TGIF1: variants seen among roughly 807,000 people sequenced by gnomAD.
TGIF1 encodes the protein homeobox protein TGIF1.
TGIF1 carries 4 observed loss-of-function variants against 19.3 expected under a neutral mutation model. The ratio of observed to expected loss-of-function variants is 0.21; its 90% CI spans 0.10 to 0.47. The LOEUF (loss-of-function observed/expected upper bound fraction) is 0.47, where lower values mean the gene tolerates loss of function less well. TGIF1 is among the 20% of genes least tolerant of loss of function. The probability of loss-of-function intolerance (pLI) is 0.98; values close to 1 mark genes in which losing one functional copy is unlikely to be tolerated. For missense variants in TGIF1, 275 were observed against 341.4 expected, an observed-to-expected ratio of 0.81 and a Z score of 1.53; for synonymous variants, 122 against 129.3, an observed-to-expected ratio of 0.94 and a Z score of 0.38.
At position 3,457,522 on chromosome 18, in the gene TGIF1, C is replaced by T. The variant is rs779457953; in HGVS notation, c.401C>T (p.Pro134Leu). 1 of 1,614,184 alleles carries T rather than the reference C, an allele frequency of 6.2e-7. No homozygotes were observed. The highest frequency in any genetic ancestry group is 8.5e-7 in the Non-Finnish European group (1 of 1,180,046). ...GTGATGGGCATCAAAAACTTCATGC[C>T]AGCTCTAGAGGAGACCCCATTTCAT... ...ESVMGIKNFM[P>L]ALEETPFHSC... Residue 134 changes from proline (P) to leucine (L), a missense_variant, in exon 3 of 3, where the codon CCA becomes CTA. Transcript: ENST00000343820. The surrounding 1 kb of genome is among the most constrained non-coding windows in gnomAD (Gnocchi z 4.9).
chr18:3,456,802 A>G lies in TGIF1; in HGVS notation c.243+222A>G. ...GATAGCATTTCCTTTAATGCCTAAA[A>G]GAACCTTCCTTTATGCAACAGACAT... On this transcript the variant is annotated intron_variant, in intron 2 of 2. Transcript: ENST00000343820. This position sits in a 1 kb window ranked among gnomAD's most constrained non-coding sequence, Gnocchi z 4.2. 3.1e-6 allele frequency: 2 copies of G among 654,170 alleles called. No homozygotes were observed. Among genetic ancestry groups the G allele is most frequent in the Non-Finnish European group, 5.5e-6 (2 of 365,706 alleles). 40.5% of individuals were successfully genotyped at this position (654,170 alleles called of 1,614,324 possible).
Position 3,458,043 on chromosome 18 carries a change from T to C in TGIF1, c.*103T>C, listed in dbSNP as rs1276786624. On this transcript the variant is annotated 3_prime_UTR_variant, in exon 3 of 3. Coordinates refer to ENST00000343820, the MANE Select transcript of TGIF1 (RefSeq NM_003244.4). ...TATATTTTTTATTAATATTTGCACA[T>C]GGGATTGCTAAAACAGCTTCCTGTT... 6 of 1,082,888 alleles carry C rather than the reference T, an allele frequency of 5.5e-6. No homozygotes were observed. The highest frequency in any genetic ancestry group is 6.7e-6 in the Non-Finnish European group (5 of 744,236). The allele number at this position is 1,082,888 out of a possible 1,614,324, so 67.1% of individuals were successfully genotyped here.
upstream of TGIF1, chr18:3,447,625 G>T (rs138419964): frequency 2.0e-4 from 233 of 1,152,682 alleles, 3 homozygotes; most frequent in East Asian, 5.0e-3. Flanking sequence ...TGGCTGGGGG[G>T]AGGCAGTGGG....
intron 2 of TGIF1, among the ~76,000 whole-genome samples, chr18:3,435,164 AT>A (rs1356228259): frequency 1.3e-5 from 2 of 152,038 alleles, no homozygotes; most frequent in Admixed American, 6.6e-5. Context: ...GCACAATTAA[AT>A]TTCAGGCTTT....
At position 3,434,089 on chromosome 18, in the gene TGIF1, CA is replaced by C. The variant is rs149750226; in HGVS notation, c.-45+15875del. On this transcript the variant is annotated intron_variant, in intron 2 of 3. Coordinates refer to the TGIF1 transcript ENST00000401449. The stretch of plus-strand genomic sequence containing the variant: ...TTGCCAGTCGAAGTGAGAAACAGCC[CA>C]TTTAAATAATAGCTATGGGCCAGGT... Among the ~76,000 whole-genome samples the C allele has an allele frequency of 6.4e-3, 980 of 152,246 alleles. 11 individuals are homozygous for C. Among genetic ancestry groups the C allele is most frequent in the African/African-American group, 0.023 (944 of 41,542 alleles).
chr18:3,414,922 A>G (rs1019865065), intron 1 of TGIF1, among the ~76,000 whole-genome samples: 1 of 152,194 alleles, frequency 6.6e-6, no homozygotes, highest in African/African-American at 2.4e-5. Context: ...CCAATGTCCA[A>G]TGTCAGAAAG....
intron 2 of TGIF1, among the ~76,000 whole-genome samples, chr18:3,443,157 AGG>A (rs1346918391): frequency 6.6e-6 from 1 of 152,210 alleles, no homozygotes; most frequent in Non-Finnish European, 1.5e-5. Flanking sequence ...CACAATCAGA[AGG>A]GGCTCTTCTA....
upstream of TGIF1, among the ~76,000 whole-genome samples, chr18:3,448,981 T>C (rs238135): frequency 0.41 from 61,734 of 151,732 alleles, 15,170 homozygotes; most frequent in African/African-American, 0.7. Context: ...TTTAAAGTGA[T>C]GGGGGAAGTC....
At chr18:3,413,360 A>G (rs1266543940) in intron 1 of TGIF1, among the ~76,000 whole-genome samples, 2 of 152,214 alleles carry the variant, frequency 1.3e-5, no homozygotes, top group Non-Finnish European at 2.9e-5. Flanking sequence ...ATTAATCCAG[A>G]GAGATTTATT....
chr18:3,417,838 C>T (rs559355500), intron 1 of TGIF1, among the ~76,000 whole-genome samples: 3 of 152,198 alleles, frequency 2.0e-5, no homozygotes, highest in Admixed American at 2.0e-4. Flanking sequence ...GTGGCTCATG[C>T]CTGTAACCCT....
In TGIF1 at chr18:3,458,218, C is replaced by G. The variant is rs1462129889; in HGVS notation, c.*278C>G. On this transcript the variant is annotated 3_prime_UTR_variant, in exon 3 of 3. Coordinates refer to ENST00000343820, the MANE Select transcript of TGIF1 (RefSeq NM_003244.4). ...AATATCATGTGATTTTTTTTTTCCT[C>G]CCCTTCCCTTTTTTTGTTATTTTTT... The G allele has an allele frequency of 7.3e-6, 3 of 413,380 alleles. No homozygotes were observed. Among genetic ancestry groups the G allele is most frequent in the East Asian group, 9.8e-5 (2 of 20,398 alleles). 25.6% of individuals were successfully genotyped at this position (413,380 alleles called of 1,614,324 possible).
chr18:3,452,315 T>G (rs780511065), intron 1 of TGIF1: 70 of 1,612,780 alleles, frequency 4.3e-5, no homozygotes, highest in Non-Finnish European at 5.8e-5. Context: ...GGTGGGAACT[T>G]CCGCGGTCCC....
At chr18:3,420,296 T>C (rs554053589) in intron 2 of TGIF1, among the ~76,000 whole-genome samples, 70 of 151,938 alleles carry the variant, frequency 4.6e-4, no homozygotes, top group African/African-American at 1.6e-3. Flanking sequence ...GGCAGAAGAA[T>C]CACTTGAATC....
At chr18:3,449,726 G>T, upstream of TGIF1, 3 of 985,490 alleles carry the variant, frequency 3.0e-6, no homozygotes, top group Non-Finnish European at 3.6e-6. Context: ...TGTCTCGTGC[G>T]GCTAGAGCAG....
chr18:3,457,914 G>A lies in TGIF1; in HGVS notation c.793G>A (p.Glu265Lys). The part of the protein sequence containing the change: ...DVALKRAAEM[E>K]LQAKLTA ...TGCACTCAAACGGGCTGCAGAGATG[G>A]AGCTTCAGGCAAAACTTACAGCTTA... is the stretch of plus-strand genomic sequence containing the variant. Residue 265 changes from glutamate (E) to lysine (K), a missense_variant, in exon 3 of 3, where the codon GAG (glutamate) becomes AAG (lysine). Glu to Lys is a moderately conservative substitution (Grantham distance 56). Transcript: ENST00000343820. The surrounding 1 kb of genome is among the most constrained non-coding windows in gnomAD (Gnocchi z 4.9). 1.9e-6 allele frequency: 3 copies of A among 1,601,008 alleles called. No homozygotes were observed. In the South Asian group the frequency reaches 3.3e-5, roughly 18 times the overall value.
rs56310172 is a variant in TGIF1, at chr18:3,423,193, T to C, written c.-45+4978T>C. Among the ~76,000 whole-genome samples, 1,337 of 152,222 alleles carry C rather than the reference T, an allele frequency of 8.8e-3. 12 individuals carry two copies. The highest frequency in any genetic ancestry group is 0.015 in the Non-Finnish European group (1,015 of 68,008). On this transcript the variant is annotated intron_variant, in intron 2 of 3. Coordinates refer to the TGIF1 transcript ENST00000401449. The stretch of plus-strand genomic sequence containing the variant: ...TACACGCCTAACACCTGAAGACACA[T>C]TTCTCAGAATGTCTCCCCGTCGTTG...
At chr18:3,431,303 C>T (rs895756057) in intron 2 of TGIF1, among the ~76,000 whole-genome samples, 2 of 152,044 alleles carry the variant, frequency 1.3e-5, no homozygotes, top group African/African-American at 2.4e-5. Flanking sequence ...AAGAATTAGT[C>T]GGGTGTAGTG....
chr18:3,447,792 G>A (rs773030446), upstream of TGIF1: 18 of 1,614,164 alleles, frequency 1.1e-5, no homozygotes, highest in Admixed American at 2.8e-4. Context: ...CTGACTTCTA[G>A]CCAAGGTGAG....
chr18:3,449,596 G>A, upstream of TGIF1: 2 of 982,902 alleles, frequency 2.0e-6, no homozygotes, highest in Non-Finnish European at 2.4e-6. Flanking sequence ...AGAGCCCCGG[G>A]AGGAGAAGGG....
Sources: gnomAD v4.1 joint callset for allele counts (sites outside exome capture counted in the v4.1 genomes callset) on GRCh38, gnomAD v4.1.1 for gene constraint, Gnocchi (gnomAD v3.1) non-coding constraint, MANE v1.5 for transcripts, NCBI Gene and HGNC (gene_info 2026-07-23, HGNC 2026-07-21) for gene names.